Variants in CNGB3 observed in about 807,000 individuals in gnomAD.
CNGB3 encodes cyclic nucleotide-gated channel beta-3.
In CNGB3, 86 loss-of-function variants were observed where a neutral mutation model predicts 92.8. The ratio of observed to expected loss-of-function variants is 0.93; its 90% CI spans 0.78 to 1.11. The LOEUF (loss-of-function observed/expected upper bound fraction) is 1.11. CNGB3 is among the 50% of genes least tolerant of loss of function. CNGB3 has a pLI of 0.00. For synonymous variants in CNGB3, 333 were observed against 332.7 expected (o/e 1.00, Z -0.01); for missense variants, 1,026 against 956.8 (o/e 1.07, Z -0.95).
At chr8:86,691,002 A>G (rs1824300786) in intron 3 of CNGB3, among the ~76,000 whole-genome samples, 1 of 152,222 alleles carries the variant, frequency 6.6e-6, no homozygotes, top group African/African-American at 2.4e-5. Flanking sequence ...TGATGCCTTC[A>G]GCTTTATTCT....
intron 2 of CNGB3, among the ~76,000 whole-genome samples, chr8:86,731,750 C>T (rs1477219410): frequency 1.3e-5 from 2 of 151,964 alleles, no homozygotes; most frequent in East Asian, 3.9e-4. Flanking sequence ...ATACTTTTGT[C>T]CTGGGGATTT....
intron 15 of CNGB3, among the ~76,000 whole-genome samples, chr8:86,587,564 A>G (rs986627146): frequency 2.0e-5 from 3 of 152,114 alleles, no homozygotes; most frequent in Non-Finnish European, 4.4e-5. Context: ...ATGGCTAGCC[A>G]GTTTTCCCAG....
At chr8:86,693,365 T>C (rs1824355384) in intron 3 of CNGB3, among the ~76,000 whole-genome samples, 1 of 151,870 alleles carries the variant, frequency 6.6e-6, no homozygotes, top group Admixed American at 6.6e-5. Context: ...GAACAACAAT[T>C]ATGTTTTGTT....
intron 3 of CNGB3, among the ~76,000 whole-genome samples, chr8:86,721,296 A>G (rs1824967761): frequency 6.6e-6 from 1 of 152,122 alleles, no homozygotes; most frequent in South Asian, 2.1e-4. Context: ...CTCTTATTCT[A>G]AGTGAAGTAA....
At position 86,574,683 on chromosome 8, in the gene CNGB3, T is replaced by C. The variant is rs1357301425; in HGVS notation, c.*1121A>G. On this transcript the variant is annotated 3_prime_UTR_variant, in exon 18 of 18. Transcript: ENST00000320005. ...CACAGAACTTGATGTTATACACTAA[T>C]GGCATTTATTAGAATGGAATTCTAT... is the stretch of plus-strand genomic sequence containing the variant. 2 of 152,204 alleles carry C rather than the reference T, an allele frequency of 1.3e-5. No individual in the cohort carries two copies. Among genetic ancestry groups the C allele is most frequent in the East Asian group, 3.8e-4 (2 of 5,202 alleles). 9.4% of individuals were successfully genotyped at this position (152,204 alleles called of 1,614,324 possible). A position where few individuals can be genotyped will look rare whatever the true frequency, so the allele number is the denominator to read the frequency against.
At chr8:86,645,760 G>T (rs574942920) in intron 8 of CNGB3, among the ~76,000 whole-genome samples, 2 of 151,260 alleles carry the variant, frequency 1.3e-5, no homozygotes, top group African/African-American at 4.8e-5. Flanking sequence ...ATTTAAATGT[G>T]TGGTAATTTG....
At chr8:86,592,837 A>C (rs980830483) in intron 15 of CNGB3, among the ~76,000 whole-genome samples, 11 of 152,242 alleles carry the variant, frequency 7.2e-5, no homozygotes, top group Non-Finnish European at 1.5e-4. Context: ...ACATGAGGTT[A>C]GATAACCTGT....
At chr8:86,722,885 A>G (rs1309921824) in intron 3 of CNGB3, among the ~76,000 whole-genome samples, 1 of 152,122 alleles carries the variant, frequency 6.6e-6, no homozygotes, top group Non-Finnish European at 1.5e-5. Context: ...TACTGGAACT[A>G]TATCATTGGC....
At chr8:86,664,720 G>A (rs1242569938) in intron 6 of CNGB3, among the ~76,000 whole-genome samples, 1 of 152,182 alleles carries the variant, frequency 6.6e-6, no homozygotes, top group African/African-American at 2.4e-5. Context: ...GAAATAGGAT[G>A]TGATGAATTT....
intron 2 of CNGB3, among the ~76,000 whole-genome samples, chr8:86,730,241 A>G (rs1232394685): frequency 6.6e-6 from 1 of 152,232 alleles, no homozygotes; most frequent in African/African-American, 2.4e-5. Flanking sequence ...GAAATAAGTG[A>G]TGTGGAAATC....
At chr8:86,729,954 G>C (rs1206080542) in intron 2 of CNGB3, among the ~76,000 whole-genome samples, 3 of 152,192 alleles carry the variant, frequency 2.0e-5, no homozygotes, top group African/African-American at 7.2e-5. Flanking sequence ...GCAATTGCCA[G>C]AGCTCATCAG....
Position 86,579,109 on chromosome 8 carries a change from G to C in CNGB3, c.1925C>G (p.Ala642Gly), listed in dbSNP as rs367888806. The C allele has an allele frequency of 1.9e-6, 3 of 1,613,958 alleles. No homozygotes were observed. Among genetic ancestry groups the C allele is most frequent in the African/African-American group, 2.7e-5 (2 of 74,880 alleles). Residue 642 changes from alanine to glycine, a missense_variant, in exon 16 of 18, where the codon GCC becomes GGC. Ala to Gly is a moderately conservative substitution (Grantham distance 60). Coordinates refer to ENST00000320005, the MANE Select transcript of CNGB3 (RefSeq NM_019098.5). ...PDSERILMKK[A>G]RVLLKQKAKT... ...AATGGTGTTTTAAAGGTTGTACCTG[G>C]CTTTCTTCATGAGGATCCTTTCAGA...
intron 15 of CNGB3, among the ~76,000 whole-genome samples, chr8:86,581,052 A>AG (rs1474004790): frequency 1.3e-5 from 2 of 151,852 alleles, no homozygotes; most frequent in Non-Finnish European, 2.9e-5. Context: ...TTGTTAAAAA[A>AG]CTTATATAGG....
At chr8:86,621,159 T>C (rs952620102) in intron 13 of CNGB3, among the ~76,000 whole-genome samples, 4 of 152,342 alleles carry the variant, frequency 2.6e-5, no homozygotes, top group Non-Finnish European at 4.4e-5. Context: ...ATAAAAGTCA[T>C]TGGTATCTAA....
intron 11 of CNGB3, 144 bp from the exon 12 acceptor site, chr8:86,629,222 T>C (rs1822912275): frequency 2.8e-6 from 3 of 1,070,272 alleles, no homozygotes; most frequent in African/African-American, 3.1e-5. Context: ...ATTTTATTTA[T>C]TCTTGCCCAG....
At position 86,677,368 on chromosome 8, in the gene CNGB3, A is replaced by G. The variant is rs563730729; in HGVS notation, c.339-6270T>C. ...AATAGCAATACATTCAGTTTAGTAA[A>G]TGTGAAACTTGAGTCGTAAGTTAAG... On this transcript the variant is annotated intron_variant, in intron 3 of 17. Transcript: ENST00000320005. 2.6e-5 allele frequency among the ~76,000 whole-genome samples: 4 copies of G among 152,360 alleles called. No individual in the cohort carries two copies. In the South Asian group the frequency reaches 8.3e-4, roughly 32 times the overall value.
At chr8:86,678,330 T>A (rs1049367069) in intron 3 of CNGB3, among the ~76,000 whole-genome samples, 1 of 152,150 alleles carries the variant, frequency 6.6e-6, no homozygotes, top group Non-Finnish European at 1.5e-5. Flanking sequence ...TTTAGGCAAA[T>A]TTGGGAAAGT....
Position 86,612,300 on chromosome 8 carries a change from CT to C in CNGB3, c.1579-630del, listed in dbSNP as rs537733310. ...TTGGCTATAGGTCTGTATTTGTCAT[CT>C]GTTTAAATAACTATATCTATATGAG... On this transcript the variant is annotated intron_variant, in intron 13 of 17. Coordinates refer to ENST00000320005, the MANE Select transcript of CNGB3 (RefSeq NM_019098.5). 2.1e-3 allele frequency among the ~76,000 whole-genome samples: 327 copies of C among 152,240 alleles called. 1 individual carries two copies. Among genetic ancestry groups the C allele is most frequent in the Non-Finnish European group, 3.5e-3 (239 of 68,008 alleles).
At position 86,619,801 on chromosome 8, in the gene CNGB3, A is replaced by G. The variant is rs549908637; in HGVS notation, c.1578+6182T>C. Among the ~76,000 whole-genome samples the G allele has an allele frequency of 7.1e-5, 10 of 141,278 alleles. No homozygotes were observed. In the South Asian group the frequency reaches 2.2e-3, roughly 31 times the overall value. The allele number at this position is 141,278 out of a possible 152,430, so 92.7% of individuals were successfully genotyped here. ...CAGGCTGGAATACAGAGGCACAATC[A>G]TGGCTCACTGCAGCCTCAACCTCCT... On this transcript the variant is annotated intron_variant, in intron 13 of 17. Transcript: ENST00000320005.
Sources: allele counts gnomAD v4.1 joint callset (sites outside exome capture counted in the v4.1 genomes callset), GRCh38; gene constraint gnomAD v4.1.1; transcripts MANE v1.5; gene names NCBI Gene and HGNC (gene_info 2026-07-23, HGNC 2026-07-21).